LRP2: variants seen among roughly 807,000 people sequenced by gnomAD.
LRP2 encodes the protein low-density lipoprotein receptor-related protein 2.
Under a neutral mutation model 531.0 loss-of-function variants are expected in LRP2, and 172 were observed. The observed-to-expected ratio is 0.32, with a 90% CI of 0.29 to 0.37. The LOEUF (loss-of-function observed/expected upper bound fraction) is 0.37. LRP2 is among the 10% of genes least tolerant of loss of function. The pLI, the probability that LRP2 is intolerant of heterozygous loss-of-function variation, is 1.00. For missense variants in LRP2, 5,167 were observed against 5,868.3 expected, an observed-to-expected ratio of 0.88 and a Z score of 3.90; for synonymous variants, 1,992 against 2,027.6, an observed-to-expected ratio of 0.98 and a Z score of 0.47.
intron 24 of LRP2, 32 bp from the exon 25 acceptor site, chr2:169,241,397 T>A: frequency 2.5e-6 from 4 of 1,612,664 alleles, no homozygotes; most frequent in Non-Finnish European, 2.5e-6. Context: ...AATCGGCTTG[T>A]GAATGTAATT....
At chr2:169,203,433 T>C (rs1330755626) in intron 42 of LRP2, among the ~76,000 whole-genome samples, 9 of 152,214 alleles carry the variant, frequency 5.9e-5, no homozygotes, top group African/African-American at 1.9e-4. Context: ...AAGGCCTTCA[T>C]CTTTCTTTCT....
Position 169,238,207 on chromosome 2 carries a change from T to C in LRP2, c.4390A>G (p.Asn1464Asp), listed in dbSNP as rs965541826. ...QVHNIYSLVE[N>D]GSYIVAVDFD... ...TCAACAGCTACAATGTAAGAACCAT[T>C]CTCGACCAATGAATAGATATTGTGG... Residue 1464 changes from asparagine to aspartate, a missense_variant, in exon 27 of 79, where the codon AAT becomes GAT. Physicochemically the swap from Asn to Asp is conservative, Grantham distance 23 (BLOSUM62 1). Transcript: ENST00000649046. The C allele has an allele frequency of 8.7e-6, 14 of 1,614,196 alleles. No individual in the cohort carries two copies. The highest frequency in any genetic ancestry group is 1.2e-5 in the Non-Finnish European group (14 of 1,180,006).
chr2:169,335,482 T>C (rs890403049), intron 1 of LRP2, among the ~76,000 whole-genome samples: 1 of 152,184 alleles, frequency 6.6e-6, no homozygotes, highest in Non-Finnish European at 1.5e-5. Context: ...ATAAAGAAAT[T>C]GAGGATTAAT....
At chr2:169,204,567 C>T (rs146961255) in intron 41 of LRP2, among the ~76,000 whole-genome samples, 19 of 152,280 alleles carry the variant, frequency 1.2e-4, no homozygotes, top group Non-Finnish European at 7.4e-5. Context: ...GCATGGAACT[C>T]AGTGTTAAGC....
chr2:169,130,490 G>A (rs1321732993), intron 77 of LRP2, among the ~76,000 whole-genome samples: 1 of 152,088 alleles, frequency 6.6e-6, no homozygotes, highest in African/African-American at 2.4e-5. Context: ...GTTTCACTAT[G>A]TTGGCCAGGT....
intron 1 of LRP2, among the ~76,000 whole-genome samples, chr2:169,342,719 C>T (rs1231851992): frequency 7.2e-5 from 11 of 152,148 alleles, no homozygotes; most frequent in Non-Finnish European, 1.3e-4. Flanking sequence ...TTATAGACCT[C>T]TCACCCTGTA....
At chr2:169,174,255 T>C in intron 55 of LRP2, 91 bp from the exon 56 acceptor site, 1 of 1,514,802 alleles carries the variant, frequency 6.6e-7, no homozygotes, top group East Asian at 2.3e-5. Context: ...AGCAGGATCA[T>C]GATTTCTTTT....
chr2:169,133,568 T>G (rs1395266432), intron 76 of LRP2, among the ~76,000 whole-genome samples: 1 of 144,380 alleles, frequency 6.9e-6, no homozygotes, highest in East Asian at 2.0e-4. Flanking sequence ...TGTATTAAAA[T>G]GTGCCATATC....
intron 70 of LRP2, among the ~76,000 whole-genome samples, chr2:169,144,359 G>T (rs1685829544): frequency 6.6e-6 from 1 of 151,994 alleles, no homozygotes; most frequent in Non-Finnish European, 1.5e-5. Context: ...GCTGGGCTGG[G>T]GCTGTACTCC....
At chr2:169,205,907 C>A in intron 40 of LRP2, 116 bp downstream of exon 40, 1 of 1,354,194 alleles carries the variant, frequency 7.4e-7, no homozygotes, top group Middle Eastern at 2.1e-4. Context: ...ATTTTTGAAT[C>A]TGTAGCCATA....
intron 19 of LRP2, 102 bp from the exon 20 acceptor site, chr2:169,247,617 G>T: frequency 1.7e-6 from 2 of 1,202,306 alleles, no homozygotes. Context: ...TTGCAAGTAC[G>T]ATCATCTCCC....
intron 47 of LRP2, among the ~76,000 whole-genome samples, chr2:169,192,401 C>A (rs1687862012): frequency 6.6e-6 from 1 of 152,070 alleles, no homozygotes; most frequent in South Asian, 2.1e-4. Flanking sequence ...AAAGTATAAT[C>A]ACACAAGCAC....
At chr2:169,157,535 A>G in intron 63 of LRP2, 33 bp from the exon 64 acceptor site, 2 of 1,609,946 alleles carry the variant, frequency 1.2e-6, no homozygotes, top group Non-Finnish European at 1.7e-6. Flanking sequence ...TACAAACCAG[A>G]TCAGCCACAA....
At chr2:169,275,323 C>T (rs1683524498) in intron 13 of LRP2, 85 bp from the exon 14 acceptor site, 1 of 996,886 alleles carries the variant, frequency 1.0e-6, no homozygotes, top group Admixed American at 1.9e-5. Context: ...AATTAAATGC[C>T]TGAAAAGCTA....
At chr2:169,293,451 G>A (rs987883477) in intron 6 of LRP2, among the ~76,000 whole-genome samples, 6 of 152,110 alleles carry the variant, frequency 3.9e-5, no homozygotes, top group Non-Finnish European at 7.4e-5. Flanking sequence ...CGAGGCGGGC[G>A]GATCACTTGA....
At chr2:169,148,586 C>A (rs1230905445) in intron 68 of LRP2, among the ~76,000 whole-genome samples, 8 of 151,998 alleles carry the variant, frequency 5.3e-5, no homozygotes, top group African/African-American at 1.9e-4. Flanking sequence ...TATGATCATG[C>A]CACTGCACTC....
In LRP2 at chr2:169,177,806, T is replaced by C. The variant is rs2105288498; in HGVS notation, c.10390A>G (p.Ile3464Val). ...AACCCCTCAATCACCTACTCACCAA[T>C]GGGCTGCCTATATGGATGGTACACA... ...IHVYHPYRQPIVSNPCGTNNG... is the reference protein window; with the variant it reads ...IHVYHPYRQPVVSNPCGTNNG... Residue 3464 changes from isoleucine to valine, a missense_variant, in exon 53 of 79, where the codon ATT becomes GTT. Ile to Val is a conservative substitution (Grantham distance 29, BLOSUM62 3). Coordinates refer to ENST00000649046, the MANE Select transcript of LRP2 (RefSeq NM_004525.3). The C allele has an allele frequency of 4.3e-6, 7 of 1,614,142 alleles. No homozygotes were observed. The highest frequency in any genetic ancestry group is 5.9e-6 in the Non-Finnish European group (7 of 1,179,942).
intron 1 of LRP2, among the ~76,000 whole-genome samples, chr2:169,352,211 G>C (rs1685869433): frequency 6.6e-6 from 1 of 152,082 alleles, no homozygotes; most frequent in Non-Finnish European, 1.5e-5. Context: ...AGGGTCTGGG[G>C]GGAACTTCAA....
chr2:169,296,495 G>T (rs2105475491), intron 4 of LRP2, among the ~76,000 whole-genome samples: 1 of 152,040 alleles, frequency 6.6e-6, no homozygotes, highest in East Asian at 1.9e-4. Flanking sequence ...GGTGAGGTCA[G>T]CAAGCAATTC....
Sources: gnomAD v4.1 joint callset for allele counts (sites outside exome capture counted in the v4.1 genomes callset) on GRCh38, gnomAD v4.1.1 for gene constraint, MANE v1.5 for transcripts, NCBI Gene and HGNC (gene_info 2026-07-23, HGNC 2026-07-21) for gene names.